ELF5: variants seen among roughly 807,000 people sequenced by gnomAD.
ELF5 encodes ETS-related transcription factor Elf-5.
Under a neutral mutation model 38.2 loss-of-function variants are expected in ELF5, and 31 were observed. That is an observed-to-expected ratio of 0.81 (90% CI 0.61 to 1.10). ELF5 has a LOEUF of 1.10. Ranked by LOEUF, ELF5 falls within the 50% of genes least tolerant of loss-of-function variation. ELF5 has a pLI of 0.00. For missense variants in ELF5, 300 were observed against 306.6 expected (o/e 0.98, Z 0.16); for synonymous variants, 121 against 112.5 (o/e 1.08, Z -0.48).
At chr11:34,490,973 T>C (rs968309576) in intron 3 of ELF5, among the ~76,000 whole-genome samples, 115 of 152,056 alleles carry the variant, frequency 7.6e-4, no homozygotes, top group African/African-American at 2.7e-3. Context: ...GCAACCAGTG[T>C]CCCCAGGTTG....
At chr11:34,508,347 A>G (rs1207656173) in intron 1 of ELF5, among the ~76,000 whole-genome samples, 1 of 152,172 alleles carries the variant, frequency 6.6e-6, no homozygotes, top group South Asian at 2.1e-4. Flanking sequence ...TACTAAAAAT[A>G]CAAACATTAG....
intron 1 of ELF5, among the ~76,000 whole-genome samples, chr11:34,508,798 A>G (rs1850677590): frequency 6.6e-6 from 1 of 152,198 alleles, no homozygotes; most frequent in Admixed American, 6.5e-5. Flanking sequence ...AATTTGTGTA[A>G]CTAGCTCAAG....
At chr11:34,510,409 G>A (rs941342395) in intron 1 of ELF5, among the ~76,000 whole-genome samples, 2 of 151,930 alleles carry the variant, frequency 1.3e-5, no homozygotes, top group South Asian at 4.1e-4. Flanking sequence ...CAGTAGGTGT[G>A]AGAGTTCAAG....
At chr11:34,488,824 C>T (rs1850080371) in intron 4 of ELF5, among the ~76,000 whole-genome samples, 1 of 152,224 alleles carries the variant, frequency 6.6e-6, no homozygotes, top group Non-Finnish European at 1.5e-5. Context: ...GCCTGTGGCT[C>T]AAGCCTTTGG....
intron 2 of ELF5, among the ~76,000 whole-genome samples, chr11:34,498,903 C>T (rs562935901): frequency 1.2e-4 from 19 of 152,162 alleles, no homozygotes; most frequent in African/African-American, 4.3e-4. Flanking sequence ...ACCAGCCTGG[C>T]CAACAAGGTG....
chr11:34,480,117 T>TA lies in ELF5; in HGVS notation c.*100dup, dbSNP rs3215756. 705 of 940,834 alleles carry TA rather than the reference T, an allele frequency of 7.5e-4. No individual in the cohort carries two copies. The highest frequency in any genetic ancestry group is 9.3e-4 in the East Asian group (36 of 38,584). 58.3% of individuals were successfully genotyped at this position (940,834 alleles called of 1,614,324 possible). A position where few individuals can be genotyped will look rare whatever the true frequency, so the allele number is the denominator to read the frequency against. On this transcript the variant is annotated 3_prime_UTR_variant, in exon 7 of 7. Transcript: ENST00000257832. ...AAATTTTATCAGCATGTTTGCAGGT[T>TA]AAAAAAAAAGAGAAGAAAATGAAGC... is the stretch of plus-strand genomic sequence containing the variant.
chr11:34,499,891 A>G, intron 2 of ELF5, among the ~76,000 whole-genome samples: 1 of 152,164 alleles, frequency 6.6e-6, no homozygotes, highest in Non-Finnish European at 1.5e-5. Context: ...TAGCTGTGCA[A>G]CTCTAACAAA....
intron 5 of ELF5, among the ~76,000 whole-genome samples, chr11:34,481,792 A>G (rs1016172272): frequency 2.0e-5 from 3 of 152,162 alleles, no homozygotes; most frequent in African/African-American, 7.2e-5. Context: ...CTTTATAACC[A>G]TAAACTTTTA....
At position 34,479,132 on chromosome 11, in the gene ELF5, G is replaced by A. The variant is rs1167719459; in HGVS notation, c.*1086C>T. 6.6e-6 allele frequency: 1 copy of A among 152,628 alleles called. No homozygotes were observed. The highest frequency in any genetic ancestry group is 2.4e-5 in the African/African-American group (1 of 41,450). 9.5% of individuals were successfully genotyped at this position (152,628 alleles called of 1,614,324 possible). On this transcript the variant is annotated 3_prime_UTR_variant, in exon 7 of 7. Transcript: ENST00000257832. Reference sequence around the variant, plus strand: ...CACTATTTTTGTCAAGGAAATACGTGTTATAGCGCTTGAATACACATCAGG... The same window carrying A: ...CACTATTTTTGTCAAGGAAATACGTATTATAGCGCTTGAATACACATCAGG...
chr11:34,482,394 TA>T (rs1192145107), intron 5 of ELF5, 36 bp downstream of exon 5: 25 of 1,590,496 alleles, frequency 1.6e-5, no homozygotes, highest in Non-Finnish European at 2.2e-5. Flanking sequence ...GGAATGGTTT[TA>T]AGAAATTAGA....
At chr11:34,510,912 C>T (rs1027741080) in intron 1 of ELF5, among the ~76,000 whole-genome samples, 2 of 152,174 alleles carry the variant, frequency 1.3e-5, no homozygotes, top group Non-Finnish European at 2.9e-5. Context: ...GTCTCTTGGC[C>T]TGCTGTTCTG....
chr11:34,489,893 G>T (rs1850117329), intron 4 of ELF5, 116 bp downstream of exon 4: 1 of 1,255,306 alleles, frequency 8.0e-7, no homozygotes, highest in Non-Finnish European at 1.2e-6. Flanking sequence ...GCTTTCTCCA[G>T]GTCTGGGATT....
chr11:34,491,757 G>C (rs1204961341), intron 3 of ELF5: 1 of 152,078 alleles, frequency 6.6e-6, no homozygotes, highest in Non-Finnish European at 1.5e-5. Context: ...TGTATTTTTA[G>C]TAGAGACGGG....
chr11:34,501,980 G>A (rs1485393156), intron 2 of ELF5, among the ~76,000 whole-genome samples: 1 of 152,010 alleles, frequency 6.6e-6, no homozygotes, highest in Non-Finnish European at 1.5e-5. Flanking sequence ...TCTGAACTGA[G>A]AAGCTTGAGA....
chr11:34,498,723 G>A (rs900750263), intron 2 of ELF5, among the ~76,000 whole-genome samples: 2 of 152,176 alleles, frequency 1.3e-5, no homozygotes, highest in Admixed American at 1.3e-4. Flanking sequence ...ATCAGAGGGT[G>A]AGTCCATTAA....
chr11:34,493,738 G>A (rs1327604899), intron 2 of ELF5, 26 bp from the exon 3 acceptor site: 1 of 1,604,670 alleles, frequency 6.2e-7, no homozygotes, highest in South Asian at 1.1e-5. Flanking sequence ...AAGAAGTGAG[G>A]GACAACAGTC....
intron 2 of ELF5, among the ~76,000 whole-genome samples, chr11:34,502,850 T>C (rs902418894): frequency 1.3e-5 from 2 of 152,196 alleles, no homozygotes; most frequent in African/African-American, 4.8e-5. Flanking sequence ...TCACAGAAGC[T>C]TCTGGAAGGG....
chr11:34,507,987 C>A (rs549811895), intron 1 of ELF5, among the ~76,000 whole-genome samples: 21 of 152,194 alleles, frequency 1.4e-4, no homozygotes, highest in African/African-American at 4.1e-4. Context: ...TTAAAAAAAT[C>A]ATCAACTCCC....
intron 3 of ELF5, among the ~76,000 whole-genome samples, chr11:34,491,227 C>G (rs1279097941): frequency 6.6e-6 from 1 of 152,152 alleles, no homozygotes; most frequent in Non-Finnish European, 1.5e-5. Context: ...AATAATTACT[C>G]TAGGATCACA....
Sources: allele counts gnomAD v4.1 joint callset (sites outside exome capture counted in the v4.1 genomes callset), GRCh38; gene constraint gnomAD v4.1.1; transcripts MANE v1.5; gene names NCBI Gene and HGNC (gene_info 2026-07-23, HGNC 2026-07-21).